Variants in WSB1 observed in about 807,000 individuals in gnomAD.
WSB1 encodes WD repeat and SOCS box-containing protein 1.
Under a neutral mutation model 50.2 loss-of-function variants are expected in WSB1, and 23 were observed. The observed-to-expected ratio is 0.46, with a 90% CI of 0.33 to 0.65. WSB1 has a LOEUF of 0.65. Among genes scored for constraint, WSB1 ranks in the 30% least tolerant of loss-of-function variants. The pLI is 0.02. For missense variants in WSB1, 492 were observed against 522.3 expected (o/e 0.94, Z 0.56); for synonymous variants, 179 against 172.0 (o/e 1.04, Z -0.32).
chr17:27,294,306 C>A lies in WSB1; in HGVS notation c.-90C>A. On this transcript the variant is annotated 5_prime_UTR_variant, in exon 1 of 9. Transcript: ENST00000262394. ...CTCTGTCCCTGGGCCCGGGAGGGAC[C>A]AACTTGGCGTCACGCCCCTCAGCGG... 1 of 1,558,764 alleles carries A rather than the reference C, an allele frequency of 6.4e-7. No homozygotes were observed.
chr17:27,306,651 C>A, intron 4 of WSB1, 131 bp from the exon 5 acceptor site: 1 of 803,512 alleles, frequency 1.2e-6, no homozygotes, highest in Non-Finnish European at 2.0e-6. Context: ...TGGTGTATAT[C>A]GGTAACCCTT....
At chr17:27,295,924 G>C (rs1305012753) in intron 1 of WSB1, among the ~76,000 whole-genome samples, 7 of 151,244 alleles carry the variant, frequency 4.6e-5, no homozygotes, top group African/African-American at 1.7e-4. Context: ...TGCAACCTCC[G>C]GCTCCCGGTT....
chr17:27,307,587 C>A, intron 5 of WSB1: 1 of 695,364 alleles, frequency 1.4e-6, no homozygotes, highest in Non-Finnish European at 2.3e-6. Flanking sequence ...TTTATTTACC[C>A]AAGGAGTATG....
chr17:27,304,016 A>C (rs564132996), intron 3 of WSB1, among the ~76,000 whole-genome samples: 36 of 152,228 alleles, frequency 2.4e-4, no homozygotes, highest in Non-Finnish European at 4.4e-4. Context: ...TTCAGTAATC[A>C]TCTCACCTTG....
Position 27,314,190 on chromosome 17 carries a change from C to T in WSB1, c.*1821C>T, listed in dbSNP as rs933401938. ...CTTCTTGAGGATCATCTGTATTTTA[C>T]AAAAAGAAGCACAAGAAGCATCTAA... is the stretch of plus-strand genomic sequence containing the variant. On this transcript the variant is annotated 3_prime_UTR_variant, in exon 9 of 9. Coordinates refer to ENST00000262394, the MANE Select transcript of WSB1 (RefSeq NM_015626.10). 2 of 152,184 alleles carry T rather than the reference C, an allele frequency of 1.3e-5. No individual in the cohort carries two copies. Among genetic ancestry groups the T allele is most frequent in the Admixed American group, 1.3e-4 (2 of 15,286 alleles). 9.4% of individuals were successfully genotyped at this position (152,184 alleles called of 1,614,324 possible).
intron 5 of WSB1, chr17:27,307,637 A>T: frequency 8.9e-7 from 1 of 1,128,948 alleles, no homozygotes; most frequent in Admixed American, 2.6e-5. Flanking sequence ...TTAAAGCAAG[A>T]TACTCAGTTT....
Position 27,301,820 on chromosome 17 carries a change from C to G in WSB1, c.73C>G (p.Pro25Ala), listed in dbSNP as rs2017242963. The change falls in exon 2 of 9, where the codon CCT (proline) becomes GCT (alanine). Residue 25 changes from proline to alanine, a missense_variant. Pro to Ala is a conservative substitution (Grantham distance 27). Transcript: ENST00000262394. ...ACGTACTATAGGTGAACTTTTAGCT[C>G]CTGCAGCTCCTTTTGACAAGAAATG... Reference protein sequence around the residue: ...RLRTIGELLAPAAPFDKKCGR... With the variant: ...RLRTIGELLAAAAPFDKKCGR... 13 of 1,613,932 alleles carry G rather than the reference C, an allele frequency of 8.1e-6. No individual in the cohort carries two copies. The highest frequency in any genetic ancestry group is 1.1e-5 in the Non-Finnish European group (13 of 1,179,994).
At chr17:27,307,904 T>TA in intron 5 of WSB1, 1 of 1,425,884 alleles carries the variant, frequency 7.0e-7, no homozygotes, top group Non-Finnish European at 9.1e-7. Context: ...CTGCAAGGTG[T>TA]ACTGTACGTA....
chr17:27,294,643 C>T (rs1597746248), intron 1 of WSB1, among the ~76,000 whole-genome samples: 1 of 152,288 alleles, frequency 6.6e-6, no homozygotes, highest in Middle Eastern at 3.4e-3. Flanking sequence ...TACTGTGCTC[C>T]CTCGCGGTTG....
At position 27,304,645 on chromosome 17, in the gene WSB1, G is replaced by A. The variant is rs184086737; in HGVS notation, c.479-135G>A. ...GGGGATTGCTTGAACCCAGGAGGTC[G>A]AGGCTGTAGTGAGCCAAGATTACGC... On this transcript the variant is annotated intron_variant, in intron 3 of 8. Transcript: ENST00000262394. The A allele has an allele frequency of 2.0e-4, 143 of 713,266 alleles. 3 individuals carry two copies. The East Asian group carries it at 4.2e-3, about 21-fold the overall frequency. The allele number at this position is 713,266 out of a possible 1,614,324, so 44.2% of individuals were successfully genotyped here.
intron 5 of WSB1, 60 bp from the exon 6 acceptor site, chr17:27,309,040 T>A: frequency 1.3e-6 from 2 of 1,485,534 alleles, no homozygotes; most frequent in Non-Finnish European, 1.8e-6. Flanking sequence ...TAGTATAAGA[T>A]GTGCCATTTT....
intron 1 of WSB1, among the ~76,000 whole-genome samples, chr17:27,301,484 T>C (rs575781925): frequency 1.3e-5 from 2 of 152,358 alleles, no homozygotes; most frequent in Admixed American, 6.5e-5. Flanking sequence ...GTTAGGACTT[T>C]TGTAATTGTT....
rs2017389287 is a variant in WSB1, at chr17:27,304,980, C to T, written c.610+69C>T. 5.1e-6 allele frequency: 8 copies of T among 1,566,660 alleles called. 1 individual carries two copies. Among genetic ancestry groups the T allele is most frequent in the Non-Finnish European group, 7.0e-6 (8 of 1,150,780 alleles). On this transcript the variant is annotated intron_variant, in intron 4 of 8. Transcript: ENST00000262394. ...TACTACTATGGAGAGGTATTGGGAACATGTGGGGCATTTGACTTTAAAAAT... is the reference window on the plus strand; with the variant it reads ...TACTACTATGGAGAGGTATTGGGAATATGTGGGGCATTTGACTTTAAAAAT...
At chr17:27,307,484 T>TGA in intron 5 of WSB1, 1 of 517,034 alleles carries the variant, frequency 1.9e-6, no homozygotes, top group South Asian at 2.4e-5. Context: ...CTCAGTAGCT[T>TGA]CAAGTATTTA....
At chr17:27,306,759 A>T in intron 4 of WSB1, 23 bp from the exon 5 acceptor site, 5 of 1,611,122 alleles carry the variant, frequency 3.1e-6, no homozygotes, top group Non-Finnish European at 4.2e-6. Context: ...TAGGGTTAAT[A>T]CAGATTATTT....
intron 2 of WSB1, 191 bp downstream of exon 2, chr17:27,302,147 A>T: frequency 1.4e-6 from 1 of 689,672 alleles, no homozygotes. Flanking sequence ...GCGGCGGCTC[A>T]GGCCTATAAT....
In WSB1 at chr17:27,294,183, T is replaced by TC; in HGVS notation, c.-212dup. The TC allele has an allele frequency of 3.9e-6, 2 of 509,990 alleles. No homozygotes were observed. Among genetic ancestry groups the TC allele is most frequent in the Admixed American group, 7.3e-5 (2 of 27,220 alleles). 31.6% of individuals were successfully genotyped at this position (509,990 alleles called of 1,614,324 possible). On this transcript the variant is annotated 5_prime_UTR_variant, in exon 1 of 9. Coordinates refer to ENST00000262394, the MANE Select transcript of WSB1 (RefSeq NM_015626.10). The stretch of plus-strand genomic sequence containing the variant: ...CGCAGGCGCGAGGCTGGGTACAGGG[T>TC]CTATTGTCTGTGGTTGACTCCGTAC...
intron 8 of WSB1, 58 bp downstream of exon 8, chr17:27,311,674 C>A (rs951627350): frequency 3.5e-5 from 43 of 1,216,936 alleles, no homozygotes; most frequent in Admixed American, 8.4e-5. Context: ...TGTAGTCTCC[C>A]AGGCTGGAGT....
At chr17:27,305,964 C>G in intron 4 of WSB1, among the ~76,000 whole-genome samples, 1 of 152,082 alleles carries the variant, frequency 6.6e-6, no homozygotes, top group South Asian at 2.1e-4. Flanking sequence ...TCCTCAGTGC[C>G]GGCATAGGGC....
Sources: gnomAD v4.1 joint callset for allele counts (sites outside exome capture counted in the v4.1 genomes callset) on GRCh38, gnomAD v4.1.1 for gene constraint, MANE v1.5 for transcripts, NCBI Gene and HGNC (gene_info 2026-07-23, HGNC 2026-07-21) for gene names.